Variants in SUMF1 observed in about 807,000 individuals in gnomAD.
SUMF1 encodes sulfatase modifying factor 1.
A neutral mutation model predicts 47.6 loss-of-function variants in SUMF1; 48 were observed. That is an observed-to-expected ratio of 1.01 (90% CI 0.80 to 1.28). SUMF1 has a LOEUF of 1.28. Ranked by LOEUF, SUMF1 falls within the 50% of genes most tolerant of loss-of-function variation. The pLI, the probability that SUMF1 is intolerant of heterozygous loss-of-function variation, is 0.00. For synonymous variants in SUMF1, 230 were observed against 192.1 expected (o/e 1.20, Z -1.63); for missense variants, 571 against 485.4 (o/e 1.18, Z -1.66).
intron 8 of SUMF1, among the ~76,000 whole-genome samples, chr3:4,246,697 G>A (rs2125003796): frequency 6.6e-6 from 1 of 152,230 alleles, no homozygotes; most frequent in East Asian, 1.9e-4. Context: ...ACCGCACCCA[G>A]CCTTTTTCTC....
At chr3:4,114,926 C>T (rs1559483038) in intron 8 of SUMF1, among the ~76,000 whole-genome samples, 2 of 152,074 alleles carry the variant, frequency 1.3e-5, no homozygotes, top group Non-Finnish European at 2.9e-5. Context: ...CAGGGAAGCA[C>T]TGGGTGGAGA....
rs573640849 is a variant in SUMF1 at position 4,203,431 on chromosome 3, T to C, written c.1015-134686A>G. Among the ~76,000 whole-genome samples the C allele has an allele frequency of 6.2e-4, 94 of 152,182 alleles. 1 individual carries two copies. In the South Asian group the frequency reaches 6.2e-3, roughly 10 times the overall value. Reference sequence around the variant, plus strand: ...TGCTCTTTCTTGGTTTTCATTTGCATGGAACATACTTTTCCATCCCTTTAT... The same window carrying C: ...TGCTCTTTCTTGGTTTTCATTTGCACGGAACATACTTTTCCATCCCTTTAT... On this transcript the variant is annotated intron_variant and NMD_transcript_variant, in intron 8 of 12. Coordinates refer to the SUMF1 transcript ENST00000448413.
intron 8 of SUMF1, among the ~76,000 whole-genome samples, chr3:4,180,533 G>C (rs893552440): frequency 6.6e-6 from 1 of 151,990 alleles, no homozygotes. Context: ...TCACACACCA[G>C]GGCCTGTCAT....
chr3:4,356,699 T>C (rs144827913), downstream of SUMF1, among the ~76,000 whole-genome samples: 741 of 152,314 alleles, frequency 4.9e-3, 7 homozygotes, highest in African/African-American at 0.017. Context: ...TCACAGTGTT[T>C]GCTTTTTAAA....
At position 4,129,605 on chromosome 3, in the gene SUMF1, A is replaced by C. The variant is rs79909787; in HGVS notation, c.1015-60860T>G. 1.0e-2 allele frequency among the ~76,000 whole-genome samples: 1,518 copies of C among 152,174 alleles called. 36 individuals carry two copies. Among genetic ancestry groups the C allele is most frequent in the African/African-American group, 0.035 (1,447 of 41,504 alleles). On this transcript the variant is annotated intron_variant and NMD_transcript_variant, in intron 8 of 12. Coordinates refer to the SUMF1 transcript ENST00000448413. ...AGGAAGGACACCACTACAATACTGA[A>C]AATTTATACAGTGAATCTTTCTGCC... is the stretch of plus-strand genomic sequence containing the variant.
At chr3:4,083,734 C>T (rs921829505) in intron 8 of SUMF1, among the ~76,000 whole-genome samples, 1 of 151,754 alleles carries the variant, frequency 6.6e-6, no homozygotes, top group African/African-American at 2.4e-5. Flanking sequence ...TGACATCATG[C>T]CTATCCTCAG....
chr3:4,381,049 C>G (rs1700487871), intron 7 of SUMF1, among the ~76,000 whole-genome samples: 1 of 152,156 alleles, frequency 6.6e-6, no homozygotes, highest in African/African-American at 2.4e-5. Flanking sequence ...TTTCACAGCA[C>G]AACGACTGCA....
At chr3:4,064,689 T>C (rs1477973237) in intron 9 of SUMF1, among the ~76,000 whole-genome samples, 1 of 152,096 alleles carries the variant, frequency 6.6e-6, no homozygotes, top group Non-Finnish European at 1.5e-5. Context: ...AACAGGAGAA[T>C]GGCATGAACC....
At chr3:4,376,030 A>G (rs918401704) in intron 8 of SUMF1, among the ~76,000 whole-genome samples, 4 of 152,238 alleles carry the variant, frequency 2.6e-5, no homozygotes, top group Non-Finnish European at 5.9e-5. Context: ...TACATGCTGG[A>G]AAAGTTATAT....
chr3:4,096,357 TG>T (rs1692904078), intron 8 of SUMF1, among the ~76,000 whole-genome samples: 2 of 152,278 alleles, frequency 1.3e-5, no homozygotes, highest in Admixed American at 1.3e-4. Context: ...TCTCTATACT[TG>T]CTCCTTATAA....
intron 3 of SUMF1, among the ~76,000 whole-genome samples, chr3:4,439,730 A>AT (rs199929275): frequency 2.4e-4 from 36 of 149,566 alleles, no homozygotes; most frequent in Middle Eastern, 3.4e-3. Flanking sequence ...TTTAATTTTT[A>AT]TTTTTTTTTT....
At chr3:4,295,938 G>T (rs922721847) in intron 8 of SUMF1, among the ~76,000 whole-genome samples, 9 of 152,100 alleles carry the variant, frequency 5.9e-5, no homozygotes, top group Admixed American at 5.9e-4. Context: ...AGGACAAGAT[G>T]GAAGTTTTTT....
At chr3:4,327,397 AGTT>A (rs911297616) in intron 8 of SUMF1, among the ~76,000 whole-genome samples, 5 of 152,042 alleles carry the variant, frequency 3.3e-5, no homozygotes, top group South Asian at 2.1e-4. Flanking sequence ...AAAAAAAGCA[AGTT>A]GTTGTTGTTG....
At chr3:4,303,221 A>C (rs1163844793) in intron 8 of SUMF1, 2 of 750,068 alleles carry the variant, frequency 2.7e-6, no homozygotes, top group South Asian at 2.5e-5. Flanking sequence ...AGACCCAAAA[A>C]GTCAAGGAAG....
chr3:4,278,335 G>A (rs1456983484), intron 8 of SUMF1, among the ~76,000 whole-genome samples: 1 of 151,848 alleles, frequency 6.6e-6, no homozygotes, highest in Non-Finnish European at 1.5e-5. Flanking sequence ...TTCCATTAAA[G>A]GAGATCAAAT....
intron 8 of SUMF1, among the ~76,000 whole-genome samples, chr3:4,133,801 C>CT (rs553970454): frequency 4.7e-4 from 72 of 152,158 alleles, no homozygotes; most frequent in Middle Eastern, 6.8e-3. Flanking sequence ...ATAAACTCCC[C>CT]TTTATATATG....
chr3:4,303,543 G>A (rs1380927694), intron 8 of SUMF1: 1 of 1,359,646 alleles, frequency 7.4e-7, no homozygotes, highest in East Asian at 3.1e-5. Context: ...GCGGGGCCAG[G>A]CGGCGCGGGA....
At chr3:4,175,360 C>T (rs1694935497) in intron 8 of SUMF1, among the ~76,000 whole-genome samples, 1 of 152,060 alleles carries the variant, frequency 6.6e-6, no homozygotes, top group Non-Finnish European at 1.5e-5. Context: ...GCAATATTTG[C>T]ATTCTGCTGC....
chr3:4,411,705 GA>G (rs35731250), intron 6 of SUMF1, among the ~76,000 whole-genome samples: 3,046 of 114,220 alleles, frequency 0.027, 30 homozygotes, highest in African/African-American at 0.042. Flanking sequence ...AGAGCAGGAG[GA>G]AAAAAAAAAA....
Sources: allele counts gnomAD v4.1 joint callset (sites outside exome capture counted in the v4.1 genomes callset), GRCh38; gene constraint gnomAD v4.1.1; transcripts MANE v1.5; gene names NCBI Gene and HGNC (gene_info 2026-07-23, HGNC 2026-07-21).